The following CACNA2D1 variants were observed in gnomAD, a reference collection of about 807,000 sequenced individuals.
CACNA2D1 encodes the protein calcium voltage-gated channel auxiliary subunit alpha2delta 1, also known as voltage-dependent calcium channel subunit alpha-2/delta-1.
A neutral mutation model predicts 171.5 loss-of-function variants in CACNA2D1; 53 were observed. The observed-to-expected ratio is 0.31, with a 90% CI of 0.25 to 0.39. The LOEUF (loss-of-function observed/expected upper bound fraction) is 0.39, where lower values mean the gene tolerates loss of function less well. Among genes scored for constraint, CACNA2D1 ranks in the 10% least tolerant of loss-of-function variants. CACNA2D1 has a pLI of 1.00. For missense variants in CACNA2D1, 903 were observed against 1,299.8 expected, an observed-to-expected ratio of 0.69 and a Z score of 4.69; for synonymous variants, 442 against 443.1, an observed-to-expected ratio of 1.00 and a Z score of 0.03.
rs1279357995 is a variant in CACNA2D1, at chr7:82,341,314, C to T, written c.178-6063G>A. Among the ~76,000 whole-genome samples, 7 of 152,164 alleles carry T rather than the reference C, an allele frequency of 4.6e-5. No homozygotes were observed. The East Asian group carries it at 1.2e-3, about 25-fold the overall frequency. On this transcript the variant is annotated intron_variant, in intron 2 of 38. Transcript: ENST00000356860. ...CTCATCATCTAAGCTGGCCATCACA[C>T]AGAAATGTTGAGAAATGTGAAGATT...
intron 3 of CACNA2D1, among the ~76,000 whole-genome samples, chr7:82,285,562 T>C (rs1810652492): frequency 6.6e-6 from 1 of 152,298 alleles, no homozygotes; most frequent in South Asian, 2.1e-4. Context: ...AGGGCAGTAC[T>C]ATCCATATAT....
rs373770211 is a variant in CACNA2D1, at chr7:81,971,761, A to G, written c.2141+16T>C. ...ATGCAGAATACATATTTTTATTAATAAGAACAAATACTTACATATTTTTCT... is the reference window on the plus strand; with the variant it reads ...ATGCAGAATACATATTTTTATTAATGAGAACAAATACTTACATATTTTTCT... On this transcript the variant is annotated intron_variant, in intron 26 of 38. Transcript: ENST00000356860. 7.1e-6 allele frequency: 10 copies of G among 1,403,576 alleles called. No individual in the cohort carries two copies. Among genetic ancestry groups the G allele is most frequent in the Non-Finnish European group, 8.1e-6 (8 of 990,014 alleles). The allele number at this position is 1,403,576 out of a possible 1,614,324, so 86.9% of individuals were successfully genotyped here. A position where few individuals can be genotyped will look rare whatever the true frequency, so the allele number is the denominator to read the frequency against.
chr7:81,951,969 GTT>G lies in CACNA2D1; in HGVS notation c.3160-1463_3160-1462del, dbSNP rs774805421. ...CATTCCCACCAGCAGTGTACAAAGT[GTT>G]TTTTTTTTTTTTTTTTTTTTAACCA... On this transcript the variant is annotated intron_variant, in intron 38 of 38. Transcript: ENST00000356860. Among the ~76,000 whole-genome samples, 102 of 71,908 alleles carry G rather than the reference GTT, an allele frequency of 1.4e-3. 1 individual carries two copies. Among genetic ancestry groups the G allele is most frequent in the East Asian group, 2.9e-3 (6 of 2,052 alleles). 47.2% of individuals were successfully genotyped at this position (71,908 alleles called of 152,430 possible).
Position 82,203,380 on chromosome 7 carries a change from G to C in CACNA2D1, c.295-32771C>G, listed in dbSNP as rs1242190802. Among the ~76,000 whole-genome samples the C allele has an allele frequency of 5.9e-5, 9 of 152,188 alleles. No homozygotes were observed. In the East Asian group the frequency reaches 1.7e-3, roughly 29 times the overall value. On this transcript the variant is annotated intron_variant, in intron 3 of 38. Coordinates refer to ENST00000356860, the MANE Select transcript of CACNA2D1 (RefSeq NM_000722.4). The stretch of plus-strand genomic sequence containing the variant: ...CAATGCCTTCTCTTCCCGAGAGCCA[G>C]GAATAGCTTGCCTTCACGGGAGGGC...
intron 3 of CACNA2D1, among the ~76,000 whole-genome samples, chr7:82,305,875 G>A (rs1326812717): frequency 1.3e-5 from 2 of 152,132 alleles, no homozygotes; most frequent in African/African-American, 4.8e-5. Flanking sequence ...GCAGTCGAGG[G>A]AACTCAGAAT....
At chr7:82,354,759 G>A (rs1820230847) in intron 1 of CACNA2D1, among the ~76,000 whole-genome samples, 2 of 152,090 alleles carry the variant, frequency 1.3e-5, no homozygotes, top group African/African-American at 4.8e-5. Context: ...ATTCTTACTA[G>A]TACTAGTCTG....
chr7:81,992,142 C>T (rs562289811), intron 20 of CACNA2D1, among the ~76,000 whole-genome samples: 6 of 152,022 alleles, frequency 3.9e-5, no homozygotes, highest in African/African-American at 9.6e-5. Flanking sequence ...CGCTCTCAGC[C>T]GCTGGCACAT....
intron 3 of CACNA2D1, among the ~76,000 whole-genome samples, chr7:82,240,218 T>C (rs1284325804): frequency 6.6e-6 from 1 of 152,188 alleles, no homozygotes; most frequent in Non-Finnish European, 1.5e-5. Flanking sequence ...AATTAATGTC[T>C]ATGAGCCTTG....
chr7:82,038,265 A>G (rs764978912), intron 10 of CACNA2D1, 30 bp from the exon 11 acceptor site: 3 of 1,574,090 alleles, frequency 1.9e-6, no homozygotes, highest in Middle Eastern at 1.8e-4. Context: ...AAATATATAA[A>G]TGAACATTAA....
At chr7:82,384,018 A>T (rs3757630) in intron 1 of CACNA2D1, among the ~76,000 whole-genome samples, 74,192 of 152,020 alleles carry the variant, frequency 0.49, 18,435 homozygotes, top group Middle Eastern at 0.66. Flanking sequence ...CCACCATGTA[A>T]AGTCAAGAGG....
At chr7:81,988,437 TCTC>T (rs1797192906) in intron 21 of CACNA2D1, among the ~76,000 whole-genome samples, 1 of 152,170 alleles carries the variant, frequency 6.6e-6, no homozygotes, top group Non-Finnish European at 1.5e-5. Context: ...TGCAATATGC[TCTC>T]CTCTTCTGTC....
chr7:82,178,635 C>G (rs1171496193), intron 3 of CACNA2D1, among the ~76,000 whole-genome samples: 1 of 152,018 alleles, frequency 6.6e-6, no homozygotes, highest in Non-Finnish European at 1.5e-5. Flanking sequence ...CTTGAAAACA[C>G]TCTTCTAGAG....
intron 1 of CACNA2D1, among the ~76,000 whole-genome samples, chr7:82,411,262 A>C (rs868425396): frequency 1.3e-5 from 2 of 152,190 alleles, no homozygotes; most frequent in African/African-American, 4.8e-5. Flanking sequence ...GTTGAGAGAA[A>C]GTTTGAAATC....
intron 3 of CACNA2D1, among the ~76,000 whole-genome samples, chr7:82,250,428 T>TA (rs1805494341): frequency 6.6e-6 from 1 of 152,204 alleles, no homozygotes; most frequent in African/African-American, 2.4e-5. Flanking sequence ...AAATAACATA[T>TA]AAAATCTTAT....
intron 2 of CACNA2D1, among the ~76,000 whole-genome samples, chr7:82,347,661 T>C (rs551211168): frequency 1.2e-4 from 19 of 152,238 alleles, no homozygotes; most frequent in Admixed American, 7.2e-4. Context: ...TGTGCCCTAG[T>C]ACTTAAATTC....
chr7:82,421,904 T>C (rs969158436), intron 1 of CACNA2D1, among the ~76,000 whole-genome samples: 3 of 152,310 alleles, frequency 2.0e-5, no homozygotes, highest in African/African-American at 4.8e-5. Flanking sequence ...AAATTTCCCA[T>C]GATGCAATAA....
chr7:82,073,975 C>T (rs899010992), intron 7 of CACNA2D1, among the ~76,000 whole-genome samples: 8 of 151,738 alleles, frequency 5.3e-5, no homozygotes, highest in South Asian at 2.1e-4. Flanking sequence ...CATAGAGACA[C>T]GAACACAAAA....
chr7:82,212,547 C>T (rs1395708445), intron 3 of CACNA2D1, among the ~76,000 whole-genome samples: 1 of 152,078 alleles, frequency 6.6e-6, no homozygotes, highest in African/African-American at 2.4e-5. Context: ...TTTTATTCAA[C>T]ATGGGGAAAT....
chr7:82,287,927 T>C (rs1174830408), intron 3 of CACNA2D1, among the ~76,000 whole-genome samples: 3 of 151,090 alleles, frequency 2.0e-5, no homozygotes, highest in African/African-American at 7.3e-5. Context: ...GCCTCCCGGG[T>C]TTACACCATT....
Sources: gnomAD v4.1 joint callset for allele counts (sites outside exome capture counted in the v4.1 genomes callset) on GRCh38, gnomAD v4.1.1 for gene constraint, MANE v1.5 for transcripts, NCBI Gene and HGNC (gene_info 2026-07-23, HGNC 2026-07-21) for gene names.